Variants in QTMAN observed in about 807,000 individuals in gnomAD.
The protein encoded by QTMAN is queuosine-tRNA mannosyltransferase.
the QTMAN span, among the ~76,000 whole-genome samples, chr2:144,149,767 G>A: frequency 6.6e-6 from 1 of 151,918 alleles, no homozygotes. Context: ...TAAAGAATCC[G>A]AAACAGTTAA....
chr2:144,298,945 G>A, the QTMAN span, among the ~76,000 whole-genome samples: 1 of 152,036 alleles, frequency 6.6e-6, no homozygotes, highest in Non-Finnish European at 1.5e-5. Flanking sequence ...CTAACCCCTG[G>A]TGGTACACAA....
chr2:143,997,078 G>T, the QTMAN span, among the ~76,000 whole-genome samples: 2 of 151,988 alleles, frequency 1.3e-5, no homozygotes, highest in Non-Finnish European at 2.9e-5. Flanking sequence ...GTAAGAAGTG[G>T]TTTCAATGGA....
At chr2:144,196,465 C>T in the QTMAN span, among the ~76,000 whole-genome samples, 1 of 151,916 alleles carries the variant, frequency 6.6e-6, no homozygotes, top group African/African-American at 2.4e-5. Context: ...GAGCTAAAAT[C>T]CCCCCATGCC....
chr2:144,011,712 ATGTT>A, the QTMAN span: 1 of 985,160 alleles, frequency 1.0e-6, no homozygotes, highest in South Asian at 4.7e-5. Context: ...ACTGGACAGA[ATGTT>A]TGTGCTGTCC....
the QTMAN span, chr2:144,145,989 A>AAAAAAAAAAAAAAAAAC: frequency 6.6e-6 from 1 of 151,052 alleles, no homozygotes; most frequent in Non-Finnish European, 1.1e-5. Context: ...ATGTTAAAAA[A>AAAAAAAAAAAAAAAAAC]AAAAAAAAAA....
At chr2:144,212,383 A>C in the QTMAN span, among the ~76,000 whole-genome samples, 1 of 152,036 alleles carries the variant, frequency 6.6e-6, no homozygotes, top group South Asian at 2.1e-4. Flanking sequence ...AATTGCTTGA[A>C]CCTGGGAGGC....
At chr2:144,075,275 A>T in the QTMAN span, among the ~76,000 whole-genome samples, 1 of 152,216 alleles carries the variant, frequency 6.6e-6, no homozygotes, top group African/African-American at 2.4e-5. Flanking sequence ...TTTTAAGAGA[A>T]TGCTACATAG....
At chr2:144,049,723 A>G in the QTMAN span, among the ~76,000 whole-genome samples, 7 of 152,164 alleles carry the variant, frequency 4.6e-5, no homozygotes, top group African/African-American at 1.7e-4. Flanking sequence ...AGGCTGAAGA[A>G]TTATTGCGGG....
chr2:144,020,728 G>T, the QTMAN span, among the ~76,000 whole-genome samples: 32 of 152,026 alleles, frequency 2.1e-4, no homozygotes, highest in African/African-American at 7.5e-4. Flanking sequence ...GGGAACAAGG[G>T]AACTTTTCCT....
the QTMAN span, among the ~76,000 whole-genome samples, chr2:144,310,640 T>C: frequency 6.6e-6 from 1 of 152,186 alleles, no homozygotes; most frequent in Non-Finnish European, 1.5e-5. Flanking sequence ...AAGATTCAAA[T>C]TCTAAATATA....
chr2:144,095,704 TTTTAA>T, the QTMAN span, among the ~76,000 whole-genome samples: 1 of 152,174 alleles, frequency 6.6e-6, no homozygotes, highest in African/African-American at 2.4e-5. Context: ...TATATTTTCC[TTTTAA>T]TTTCTTTCCC....
At chr2:144,048,148 G>C in the QTMAN span, among the ~76,000 whole-genome samples, 1 of 152,176 alleles carries the variant, frequency 6.6e-6, no homozygotes, top group African/African-American at 2.4e-5. Flanking sequence ...AGAGGACCCA[G>C]GGTGGGGGTG....
At chr2:144,175,489 A>C in the QTMAN span, among the ~76,000 whole-genome samples, 1 of 152,150 alleles carries the variant, frequency 6.6e-6, no homozygotes, top group Non-Finnish European at 1.5e-5. Flanking sequence ...CCACAAAGGG[A>C]ACTACCATCA....
chr2:144,121,016 A>G, the QTMAN span, among the ~76,000 whole-genome samples: 18,921 of 152,164 alleles, frequency 0.12, 1,512 homozygotes, highest in Non-Finnish European at 0.18. Context: ...TTTCCTTTCA[A>G]TCATTTAAAG....
chr2:143,962,172 A>G, the QTMAN span, among the ~76,000 whole-genome samples: 3 of 152,114 alleles, frequency 2.0e-5, no homozygotes, highest in Admixed American at 2.0e-4. Flanking sequence ...ATATATCACT[A>G]TGGTGCAGTG....
At chr2:143,988,662 TAC>T in the QTMAN span, among the ~76,000 whole-genome samples, 1 of 152,232 alleles carries the variant, frequency 6.6e-6, no homozygotes, top group East Asian at 1.9e-4. Context: ...GCAACTTGCC[TAC>T]ACTGATTGCT....
At chr2:144,189,318 C>T in the QTMAN span, among the ~76,000 whole-genome samples, 1 of 152,084 alleles carries the variant, frequency 6.6e-6, no homozygotes, top group Admixed American at 6.5e-5. Flanking sequence ...AATACTGATG[C>T]CCAAGGCCCT....
the QTMAN span, among the ~76,000 whole-genome samples, chr2:144,201,112 A>G: frequency 6.6e-6 from 1 of 152,206 alleles, no homozygotes; most frequent in Non-Finnish European, 1.5e-5. Flanking sequence ...AAATCAAGCA[A>G]ACAAAATTAT....
the QTMAN span, among the ~76,000 whole-genome samples, chr2:144,005,089 G>A: frequency 2.0e-5 from 3 of 151,942 alleles, no homozygotes; most frequent in Non-Finnish European, 4.4e-5. Context: ...GACATGGCTC[G>A]CTTAGGTAAT....
Sources: allele counts gnomAD v4.1 joint callset (sites outside exome capture counted in the v4.1 genomes callset), GRCh38; gene constraint gnomAD v4.1.1; transcripts MANE v1.5; gene names NCBI Gene and HGNC (gene_info 2026-07-23, HGNC 2026-07-21).